CTNNA3: variants seen among roughly 807,000 people sequenced by gnomAD.
CTNNA3 encodes catenin alpha 3.
In CTNNA3, 76 loss-of-function variants were observed where a neutral mutation model predicts 95.7. That is an observed-to-expected ratio of 0.79 (90% CI 0.66 to 0.96). The LOEUF (loss-of-function observed/expected upper bound fraction) is 0.96, where lower values mean the gene tolerates loss of function less well. CTNNA3 is among the 40% of genes least tolerant of loss of function. The pLI is 0.00. For synonymous variants in CTNNA3, 431 were observed against 374.4 expected (o/e 1.15, Z -1.74); for missense variants, 1,191 against 1,089.8 (o/e 1.09, Z -1.31).
chr10:66,885,850 C>G (rs920052696), intron 7 of CTNNA3, among the ~76,000 whole-genome samples: 2 of 152,068 alleles, frequency 1.3e-5, no homozygotes, highest in Non-Finnish European at 2.9e-5. Context: ...CTATAAAAGG[C>G]CTTTGTTTCT....
At chr10:66,819,831 A>T (rs1167015342) in intron 7 of CTNNA3, among the ~76,000 whole-genome samples, 4 of 152,176 alleles carry the variant, frequency 2.6e-5, no homozygotes, top group Admixed American at 1.3e-4. Context: ...ACACAGAAAT[A>T]AAAAGGGTTG....
At chr10:66,949,109 A>G (rs75875364) in intron 7 of CTNNA3, among the ~76,000 whole-genome samples, 149 of 152,322 alleles carry the variant, frequency 9.8e-4, no homozygotes, top group African/African-American at 3.2e-3. Context: ...AACATTCCTA[A>G]AGTATTCAAT....
rs141850756 is a variant in CTNNA3, at chr10:66,475,280, G to C, written c.1531+45337C>G. Among the ~76,000 whole-genome samples the C allele has an allele frequency of 3.1e-4, 47 of 152,058 alleles. No individual in the cohort carries two copies. The East Asian group carries it at 9.1e-3, about 29-fold the overall frequency. ...CAAAATCAGCTCAAAATGGATTAAA[G>C]ACTTAAATTTAGGACCCCAAAAATA... On this transcript the variant is annotated intron_variant, in intron 11 of 17. Coordinates refer to ENST00000433211, the MANE Select transcript of CTNNA3 (RefSeq NM_013266.4).
intron 13 of CTNNA3, among the ~76,000 whole-genome samples, chr10:66,205,387 C>A (rs1453761426): frequency 6.6e-6 from 1 of 151,902 alleles, no homozygotes; most frequent in Non-Finnish European, 1.5e-5. Context: ...TTAGTGAGAA[C>A]TTGCTGTACT....
intron 7 of CTNNA3, chr10:67,177,070 T>C (rs1862278975): frequency 2.3e-6 from 1 of 427,538 alleles, no homozygotes. Flanking sequence ...CAAACATATA[T>C]ACATATGTAT....
At chr10:66,602,295 A>C (rs894403834) in intron 10 of CTNNA3, among the ~76,000 whole-genome samples, 1 of 152,000 alleles carries the variant, frequency 6.6e-6, no homozygotes, top group Non-Finnish European at 1.5e-5. Context: ...AATGACATTT[A>C]AAAATAATGT....
chr10:67,334,219 G>A (rs988085718), intron 5 of CTNNA3: 1 of 157,516 alleles, frequency 6.3e-6, no homozygotes, highest in Non-Finnish European at 1.4e-5. Context: ...TTGAGAAAAG[G>A]TCTAAGAATT....
chr10:65,913,107 T>C lies in CTNNA3; in HGVS notation c.*7223A>G, dbSNP rs536668504. On this transcript the variant is annotated 3_prime_UTR_variant, in exon 18 of 18. Coordinates refer to ENST00000433211, the MANE Select transcript of CTNNA3 (RefSeq NM_013266.4). ...ACTTTTATTTCATCTCAGAAAGTCT[T>C]AGTTTAAATCTGCTTTCATCCTAAA... is the stretch of plus-strand genomic sequence containing the variant. 9.9e-5 allele frequency: 15 copies of C among 152,280 alleles called. No homozygotes were observed. The South Asian group carries it at 3.1e-3, about 32-fold the overall frequency. 9.4% of individuals were successfully genotyped at this position (152,280 alleles called of 1,614,324 possible).
intron 13 of CTNNA3, among the ~76,000 whole-genome samples, chr10:66,173,436 T>G (rs1349113083): frequency 6.6e-6 from 1 of 152,018 alleles, no homozygotes; most frequent in Non-Finnish European, 1.5e-5. Context: ...ATTGAGTTTT[T>G]CAGTTTGGGA....
At chr10:67,035,627 T>C (rs920877179) in intron 7 of CTNNA3, among the ~76,000 whole-genome samples, 1 of 152,050 alleles carries the variant, frequency 6.6e-6, no homozygotes, top group African/African-American at 2.4e-5. Flanking sequence ...ATAAGGAAAA[T>C]TTAAAAAGCC....
At chr10:65,983,659 A>G (rs1367313681) in intron 16 of CTNNA3, among the ~76,000 whole-genome samples, 1 of 151,456 alleles carries the variant, frequency 6.6e-6, no homozygotes, top group Non-Finnish European at 1.5e-5. Flanking sequence ...CTAAAATTCT[A>G]CAAGACTTAA....
intron 10 of CTNNA3, among the ~76,000 whole-genome samples, chr10:66,534,484 A>G (rs1038906091): frequency 2.2e-4 from 3 of 13,826 alleles, no homozygotes; most frequent in African/African-American, 6.7e-4. Context: ...ATATATATAT[A>G]TATATATATA....
At position 65,990,801 on chromosome 10, in the gene CTNNA3, C is replaced by T. The variant is rs186530002; in HGVS notation, c.2160-2004G>A. ...TCCCATTTGCCTATTTTTATCTTGC[C>T]TGTGCTTTTGAAGTCTTAGCCATAA... On this transcript the variant is annotated intron_variant, in intron 15 of 17. Coordinates refer to ENST00000433211, the MANE Select transcript of CTNNA3 (RefSeq NM_013266.4). Among the ~76,000 whole-genome samples the T allele has an allele frequency of 3.3e-5, 5 of 151,694 alleles. No individual in the cohort carries two copies. The East Asian group carries it at 9.7e-4, about 29-fold the overall frequency.
chr10:67,293,178 T>G (rs1298379381), intron 5 of CTNNA3, among the ~76,000 whole-genome samples: 1 of 152,158 alleles, frequency 6.6e-6, no homozygotes, highest in African/African-American at 2.4e-5. Context: ...AGACTTTCTT[T>G]TTTATAAGTA....
chr10:67,715,216 T>G (rs1353707808), intron 1 of CTNNA3, among the ~76,000 whole-genome samples: 1 of 152,208 alleles, frequency 6.6e-6, no homozygotes, highest in Non-Finnish European at 1.5e-5. Flanking sequence ...ATCTCAGACA[T>G]TTGAGTCACA....
intron 1 of CTNNA3, 136 bp from the exon 2 acceptor site, chr10:67,647,654 A>G (rs973936543): frequency 2.0e-4 from 122 of 609,096 alleles, no homozygotes; most frequent in Non-Finnish European, 2.9e-4. Context: ...TCAGAGGACC[A>G]GGCTACAAAA....
chr10:67,683,976 C>CA (rs1259912531), intron 1 of CTNNA3, among the ~76,000 whole-genome samples: 3 of 152,174 alleles, frequency 2.0e-5, no homozygotes, highest in Non-Finnish European at 4.4e-5. Flanking sequence ...AATGCGAACC[C>CA]AAAGAGTGAG....
chr10:66,397,976 A>C (rs745682441), intron 11 of CTNNA3, among the ~76,000 whole-genome samples: 3 of 151,940 alleles, frequency 2.0e-5, no homozygotes, highest in Admixed American at 2.0e-4. Flanking sequence ...GGCATTGCTG[A>C]CAACAGCTAT....
chr10:66,237,574 T>TTA (rs2089917045), intron 13 of CTNNA3, among the ~76,000 whole-genome samples: 1 of 151,538 alleles, frequency 6.6e-6, no homozygotes, highest in Non-Finnish European at 1.5e-5. Flanking sequence ...TTTTTTTTTT[T>TTA]AAAAGGGGTG....
Sources: allele counts gnomAD v4.1 joint callset (sites outside exome capture counted in the v4.1 genomes callset), GRCh38; gene constraint gnomAD v4.1.1; transcripts MANE v1.5; gene names NCBI Gene and HGNC (gene_info 2026-07-23, HGNC 2026-07-21).